Variants in CNBD2 observed in about 807,000 individuals in gnomAD.
The protein encoded by CNBD2 is cyclic nucleotide-binding domain-containing protein 2.
Under a neutral mutation model 63.7 loss-of-function variants are expected in CNBD2, and 64 were observed. The observed-to-expected ratio is 1.00, with a 90% CI of 0.82 to 1.24. The LOEUF (loss-of-function observed/expected upper bound fraction) is 1.24. Ranked by LOEUF, CNBD2 falls within the 50% of genes most tolerant of loss-of-function variation. CNBD2 has a pLI of 0.00. For missense variants in CNBD2, 691 were observed against 713.5 expected, an observed-to-expected ratio of 0.97 and a Z score of 0.36; for synonymous variants, 229 against 255.4, an observed-to-expected ratio of 0.90 and a Z score of 0.99.
At chr20:36,023,163 C>T (rs1242329062) in intron 10 of CNBD2, among the ~76,000 whole-genome samples, 1 of 152,140 alleles carries the variant, frequency 6.6e-6, no homozygotes, top group Non-Finnish European at 1.5e-5. Flanking sequence ...TTTCTCCTGC[C>T]TGTCATTTGC....
At chr20:36,013,980 G>A (rs1189497461) in intron 10 of CNBD2, among the ~76,000 whole-genome samples, 1 of 152,006 alleles carries the variant, frequency 6.6e-6, no homozygotes, top group African/African-American at 2.4e-5. Flanking sequence ...AGGAGATCGA[G>A]ACCATCCTGG....
upstream of CNBD2, among the ~76,000 whole-genome samples, chr20:35,967,380 G>A (rs2056354855): frequency 1.3e-5 from 2 of 150,722 alleles, no homozygotes; most frequent in African/African-American, 2.4e-5. Flanking sequence ...CTCCCGAGTA[G>A]CTGGGATTAT....
intron 9 of CNBD2, 31 bp from the exon 10 acceptor site, chr20:36,011,106 A>T: frequency 6.7e-7 from 1 of 1,491,564 alleles, no homozygotes; most frequent in Non-Finnish European, 9.0e-7. Context: ...TGTGTTACAG[A>T]TGAGCTCTCT....
At chr20:36,020,935 A>G (rs2794381) in intron 10 of CNBD2, among the ~76,000 whole-genome samples, 1,973 of 152,286 alleles carry the variant, frequency 0.013, 38 homozygotes, top group African/African-American at 0.045. Flanking sequence ...GGCTCAGAGC[A>G]CCCAAAAATT....
upstream of CNBD2, among the ~76,000 whole-genome samples, chr20:35,964,991 A>G (rs1282232306): frequency 6.6e-6 from 1 of 152,084 alleles, no homozygotes; most frequent in Non-Finnish European, 1.5e-5. Context: ...GTGAGCCACC[A>G]TGCCCGGCCT....
At chr20:36,029,493 T>TG (rs369407339) in intron 11 of CNBD2, among the ~76,000 whole-genome samples, 4 of 152,246 alleles carry the variant, frequency 2.6e-5, no homozygotes, top group African/African-American at 7.2e-5. Context: ...ATTTCCATAG[T>TG]GTAAATACTC....
At chr20:35,965,264 G>A (rs1393518146), upstream of CNBD2, among the ~76,000 whole-genome samples, 3 of 147,564 alleles carry the variant, frequency 2.0e-5, no homozygotes, top group East Asian at 2.0e-4. Flanking sequence ...TGCAACCTGC[G>A]CCTCCCAGGC....
At chr20:36,029,371 TGA>T (rs892583325) in intron 11 of CNBD2, among the ~76,000 whole-genome samples, 2 of 152,140 alleles carry the variant, frequency 1.3e-5, no homozygotes, top group Non-Finnish European at 2.9e-5. Flanking sequence ...TGTAAGAAAT[TGA>T]GAGTTAATGG....
At chr20:35,987,360 T>A (rs377712007) in intron 6 of CNBD2, 35 bp from the exon 7 acceptor site, 1 of 1,612,690 alleles carries the variant, frequency 6.2e-7, no homozygotes, top group Non-Finnish European at 8.5e-7. Context: ...CCTTGTGTGA[T>A]GGAGTTGATG....
At chr20:35,956,159 T>C (rs1178782230), downstream of CNBD2, among the ~76,000 whole-genome samples, 1 of 152,226 alleles carries the variant, frequency 6.6e-6, no homozygotes, top group African/African-American at 2.4e-5. Context: ...TTAACAACCA[T>C]TAACATGCCA....
chr20:35,998,040 CTT>C (rs1046661526), intron 8 of CNBD2, among the ~76,000 whole-genome samples: 6 of 127,104 alleles, frequency 4.7e-5, no homozygotes, highest in Admixed American at 1.6e-4. Flanking sequence ...TTTTCTTTTT[CTT>C]TTTTTTTTTT....
chr20:35,983,853 G>A (rs1382009140), intron 4 of CNBD2, 129 bp from the exon 5 acceptor site: 15 of 1,027,786 alleles, frequency 1.5e-5, no homozygotes, highest in Non-Finnish European at 2.1e-5. Flanking sequence ...GGGCTGTCCT[G>A]AGGGCCCTTC....
intron 6 of CNBD2, among the ~76,000 whole-genome samples, 188 bp downstream of exon 6, chr20:35,984,966 A>G (rs1296077501): frequency 6.6e-6 from 1 of 151,898 alleles, no homozygotes; most frequent in East Asian, 1.9e-4. Context: ...CTCAGCTCAA[A>G]TATCCCTTCT....
rs199581013 is a variant in CNBD2 at position 35,968,770 on chromosome 20, G to A, written c.8G>A (p.Arg3Lys). The A allele has an allele frequency of 6.8e-6, 11 of 1,608,722 alleles. No homozygotes were observed. The South Asian group carries it at 7.9e-5, about 11-fold the overall frequency. ...TTTGCCTGCACAGGAACCATGAGGA[G>A]ACATATGGTAACTTATGCCTGGCAG... MRRHMVTYAWQLL... is the reference protein window; with the variant it reads MRKHMVTYAWQLL... Residue 3 changes from arginine (R) to lysine (K), a missense_variant, in exon 1 of 12, where the codon AGA becomes AAA. Transcript: ENST00000373973.
At chr20:35,996,451 T>G (rs930044631) in intron 8 of CNBD2, among the ~76,000 whole-genome samples, 1 of 152,110 alleles carries the variant, frequency 6.6e-6, no homozygotes, top group African/African-American at 2.4e-5. Context: ...GTATGTTTAT[T>G]ATATTGGGCT....
In CNBD2 at chr20:36,007,166, G is replaced by A. The variant is rs573449541; in HGVS notation, c.971-1131G>A. Among the ~76,000 whole-genome samples the A allele has an allele frequency of 1.7e-3, 252 of 151,376 alleles. 1 individual carries two copies. Among genetic ancestry groups the A allele is most frequent in the African/African-American group, 5.9e-3 (242 of 40,746 alleles). The stretch of plus-strand genomic sequence containing the variant: ...ATCGCACCACTGCACTTCAGCCTGG[G>A]CGACAGAGTGAGAATCCTCTCAAAA... On this transcript the variant is annotated intron_variant, in intron 8 of 11. Coordinates refer to ENST00000373973, the MANE Select transcript of CNBD2 (RefSeq NM_001365709.1).
In CNBD2 at chr20:36,008,246, A is replaced by G. The variant is rs770112573; in HGVS notation, c.971-51A>G. ...AGCTTCAACTACTACCACCATAACC[A>G]TCATATATGCAAAGATCCATAAGTA... On this transcript the variant is annotated intron_variant, in intron 8 of 11. Coordinates refer to ENST00000373973, the MANE Select transcript of CNBD2 (RefSeq NM_001365709.1). The G allele has an allele frequency of 4.8e-6, 7 of 1,463,846 alleles. No homozygotes were observed. In the East Asian group the frequency reaches 1.6e-4, roughly 33 times the overall value. 90.7% of individuals were successfully genotyped at this position (1,463,846 alleles called of 1,614,324 possible).
At chr20:35,965,071 A>T (rs1159436064), upstream of CNBD2, among the ~76,000 whole-genome samples, 2 of 151,862 alleles carry the variant, frequency 1.3e-5, no homozygotes, top group Non-Finnish European at 2.9e-5. Flanking sequence ...CATATTGTGA[A>T]CTCCTGGTAA....
intron 11 of CNBD2, among the ~76,000 whole-genome samples, chr20:36,026,697 C>T (rs1335523511): frequency 6.6e-6 from 1 of 152,210 alleles, no homozygotes; most frequent in Admixed American, 6.5e-5. Context: ...CCAGTCCTGC[C>T]TCCACCCTTT....
Sources: allele counts gnomAD v4.1 joint callset (sites outside exome capture counted in the v4.1 genomes callset), GRCh38; gene constraint gnomAD v4.1.1; transcripts MANE v1.5; gene names NCBI Gene and HGNC (gene_info 2026-07-23, HGNC 2026-07-21).